The following OXR1 variants were observed in gnomAD, a reference collection of about 807,000 sequenced individuals.
The protein encoded by OXR1 is oxidation resistance protein 1.
Under a neutral mutation model 104.6 loss-of-function variants are expected in OXR1, and 41 were observed. The observed-to-expected ratio is 0.39, with a 90% CI of 0.31 to 0.51. The LOEUF is 0.51. Among genes scored for constraint, OXR1 ranks in the 20% least tolerant of loss-of-function variants. The pLI, the probability that OXR1 is intolerant of heterozygous loss-of-function variation, is 0.77. For missense variants in OXR1, 955 were observed against 1,031.9 expected (o/e 0.93, Z 1.02); for synonymous variants, 348 against 348.4 (o/e 1.00, Z 0.01).
At chr8:106,309,775 A>G (rs1263919158) in intron 1 of OXR1, among the ~76,000 whole-genome samples, 1 of 150,678 alleles carries the variant, frequency 6.6e-6, no homozygotes, top group Non-Finnish European at 1.5e-5. Flanking sequence ...AAAAATATAT[A>G]TACACATATA....
rs1042120750 is a variant in OXR1, at chr8:106,740,635, G to A, written c.2316+140G>A. ...ATTACTGGGTACTTTTAATATGCAA[G>A]GCAATGTTGAGTATTACAGAGGATA... On this transcript the variant is annotated intron_variant, in intron 14 of 16. Transcript: ENST00000517566. The A allele has an allele frequency of 2.3e-5, 16 of 683,976 alleles. No individual in the cohort carries two copies. The African/African-American group carries it at 2.4e-4, about 10-fold the overall frequency. 42.4% of individuals were successfully genotyped at this position (683,976 alleles called of 1,614,324 possible).
intron 2 of OXR1, among the ~76,000 whole-genome samples, chr8:106,482,861 A>C (rs147809369): frequency 2.0e-5 from 3 of 151,658 alleles, no homozygotes; most frequent in Non-Finnish European, 4.4e-5. Flanking sequence ...ATTTAGATCA[A>C]TTTTTTTAGT....
chr8:106,664,014 G>A (rs527399504), intron 3 of OXR1, among the ~76,000 whole-genome samples: 1 of 152,210 alleles, frequency 6.6e-6, no homozygotes, highest in South Asian at 2.1e-4. Context: ...CCCAGTTTTA[G>A]TCTCTTTTCC....
intron 3 of OXR1, among the ~76,000 whole-genome samples, chr8:106,625,781 G>T (rs72682806): frequency 6.6e-6 from 1 of 152,076 alleles, no homozygotes; most frequent in Admixed American, 6.5e-5. Context: ...TTGTTGAAAT[G>T]ACCTCACATG....
chr8:106,373,514 T>C (rs1816790119), intron 2 of OXR1, among the ~76,000 whole-genome samples: 1 of 152,210 alleles, frequency 6.6e-6, no homozygotes, highest in South Asian at 2.1e-4. Flanking sequence ...CACTTTATTC[T>C]AAAATTATGA....
rs575902011 is a variant in OXR1, at chr8:106,536,016, C to T, written c.220+16877C>T. On this transcript the variant is annotated intron_variant, in intron 3 of 16. Transcript: ENST00000517566. ...TGGGCGGATCACGAGGTCAGGAAAT[C>T]GAGACCATCCTGGCTAACACGATGA... Among the ~76,000 whole-genome samples, 11 of 152,066 alleles carry T rather than the reference C, an allele frequency of 7.2e-5. 1 individual carries two copies. Among genetic ancestry groups the T allele is most frequent in the Admixed American group, 3.9e-4 (6 of 15,292 alleles).
At chr8:106,622,506 C>T (rs1355600296) in intron 3 of OXR1, among the ~76,000 whole-genome samples, 1 of 149,718 alleles carries the variant, frequency 6.7e-6, no homozygotes, top group Non-Finnish European at 1.5e-5. Flanking sequence ...CATATAATTC[C>T]CCCGCCATTA....
chr8:106,510,390 T>G (rs1476146293), intron 2 of OXR1, among the ~76,000 whole-genome samples: 1 of 152,206 alleles, frequency 6.6e-6, no homozygotes, highest in African/African-American at 2.4e-5. Context: ...TAGAAAATGC[T>G]TCTCTCATAT....
chr8:106,625,735 G>A (rs1255009904), intron 3 of OXR1, among the ~76,000 whole-genome samples: 1 of 152,186 alleles, frequency 6.6e-6, no homozygotes, highest in East Asian at 1.9e-4. Flanking sequence ...TCACTAAGGT[G>A]TGTCTGCATT....
At chr8:106,390,130 T>A (rs1817534947) in intron 2 of OXR1, among the ~76,000 whole-genome samples, 1 of 152,224 alleles carries the variant, frequency 6.6e-6, no homozygotes. Flanking sequence ...TTATAATTTT[T>A]ACTTCAGCAG....
intron 3 of OXR1, among the ~76,000 whole-genome samples, chr8:106,588,807 C>A (rs1250571624): frequency 6.6e-6 from 1 of 152,148 alleles, no homozygotes; most frequent in South Asian, 2.1e-4. Flanking sequence ...CAAGCAATTT[C>A]TTTTAATATG....
intron 11 of OXR1, among the ~76,000 whole-genome samples, chr8:106,736,983 G>A (rs3779996): frequency 0.12 from 18,690 of 152,054 alleles, 1,437 homozygotes; most frequent in East Asian, 0.33. Context: ...TATTGCCATA[G>A]GTTTTAAAAT....
intron 1 of OXR1, among the ~76,000 whole-genome samples, chr8:106,309,812 C>A (rs1813622320): frequency 6.6e-6 from 1 of 150,606 alleles, no homozygotes; most frequent in South Asian, 2.1e-4. Flanking sequence ...TATGTATATA[C>A]ACATATATAT....
rs559868728 is a variant in OXR1 at position 106,652,489 on chromosome 8, CAT to C, written c.221-26720_221-26719del. Among the ~76,000 whole-genome samples the C allele has an allele frequency of 2.9e-3, 438 of 151,956 alleles. 2 individuals carry two copies. The highest frequency in any genetic ancestry group is 4.0e-3 in the Non-Finnish European group (271 of 67,870). On this transcript the variant is annotated intron_variant, in intron 3 of 16. Coordinates refer to ENST00000517566, the MANE Select transcript of OXR1 (RefSeq NM_001198533.2). Reference sequence around the variant, plus strand: ...CAAAGAAATTTGGGAAATTCACAAACATGTGGAAATTAAACAACATACTCCTA... The same window carrying C: ...CAAAGAAATTTGGGAAATTCACAAACGTGGAAATTAAACAACATACTCCTA...
intron 2 of OXR1, among the ~76,000 whole-genome samples, chr8:106,429,427 A>C (rs1049005812): frequency 6.6e-6 from 1 of 152,154 alleles, no homozygotes; most frequent in African/African-American, 2.4e-5. Context: ...TGGGAGGCTG[A>C]GGTGGTTGGA....
At position 106,612,767 on chromosome 8, in the gene OXR1, A is replaced by G. The variant is rs573261168; in HGVS notation, c.221-66443A>G. On this transcript the variant is annotated intron_variant, in intron 3 of 16. Transcript: ENST00000517566. Reference sequence around the variant, plus strand: ...ATTTATTGAGTATTTATTACATTCCAAGTACTATTCTAAGTATCTTACATG... The same window carrying G: ...ATTTATTGAGTATTTATTACATTCCGAGTACTATTCTAAGTATCTTACATG... 1.3e-4 allele frequency among the ~76,000 whole-genome samples: 20 copies of G among 152,210 alleles called. No homozygotes were observed. The South Asian group carries it at 4.2e-3, about 32-fold the overall frequency.
rs71307068 is a variant in OXR1 at position 106,551,860 on chromosome 8, ATGTGTGTGTGTGTGTGTGTG to A, written c.220+32743_220+32762del. On this transcript the variant is annotated intron_variant, in intron 3 of 16. Transcript: ENST00000517566. ...TATGTGTACATATATGTGTATATAT[ATGTGTGTGTGTGTGTGTGTG>A]TGTGTGTGTGTGTGTGTGTGTATTT... Among the ~76,000 whole-genome samples, 14 of 126,576 alleles carry A rather than the reference ATGTGTGTGTGTGTGTGTGTG, an allele frequency of 1.1e-4. 2 individuals carry two copies. Among genetic ancestry groups the A allele is most frequent in the Admixed American group, 1.0e-3 (12 of 11,934 alleles). The allele number at this position is 126,576 out of a possible 152,430, so 83.0% of individuals were successfully genotyped here.
intron 16 of OXR1, among the ~76,000 whole-genome samples, chr8:106,749,047 A>G (rs1835652964): frequency 6.6e-6 from 1 of 152,020 alleles, no homozygotes; most frequent in Non-Finnish European, 1.5e-5. Context: ...AGTGTTAAAA[A>G]TAGATCAGTT....
At chr8:106,680,260 G>A (rs1587065750) in intron 4 of OXR1, among the ~76,000 whole-genome samples, 2 of 152,226 alleles carry the variant, frequency 1.3e-5, no homozygotes, top group South Asian at 4.1e-4. Flanking sequence ...CAAATTGCGT[G>A]TGTTTGTACC....
Sources: gnomAD v4.1 joint callset for allele counts (sites outside exome capture counted in the v4.1 genomes callset) on GRCh38, gnomAD v4.1.1 for gene constraint, MANE v1.5 for transcripts, NCBI Gene and HGNC (gene_info 2026-07-23, HGNC 2026-07-21) for gene names.